The following ZIM2 variants were observed in gnomAD, a reference collection of about 807,000 sequenced individuals.
ZIM2 encodes the protein zinc finger protein 656.
Under a neutral mutation model 38.6 loss-of-function variants are expected in ZIM2, and 14 were observed. That is an observed-to-expected ratio of 0.36 (90% CI 0.24 to 0.57). The LOEUF is 0.57. Among genes scored for constraint, ZIM2 ranks in the 20% least tolerant of loss-of-function variants. ZIM2 has a pLI of 0.81. For missense variants in ZIM2, 680 were observed against 695.1 expected (o/e 0.98, Z 0.24); for synonymous variants, 247 against 245.8 (o/e 1.00, Z -0.04).
At position 56,836,084 on chromosome 19, in the gene ZIM2, C is replaced by T. The variant is rs773688998; in HGVS notation, c.-293G>A. The T allele has an allele frequency of 4.8e-5, 24 of 496,686 alleles. No homozygotes were observed. The highest frequency in any genetic ancestry group is 7.8e-5 in the African/African-American group (4 of 51,516). 30.8% of individuals were successfully genotyped at this position (496,686 alleles called of 1,614,324 possible). On this transcript the variant is annotated 5_prime_UTR_variant, in exon 2 of 13. Transcript: ENST00000629319. ...TCTCGCCAGTCGTCTCCAAGAAGGACGGAAGATCAAGAAGGCAAAGCTGTA... is the reference window on the plus strand; with the variant it reads ...TCTCGCCAGTCGTCTCCAAGAAGGATGGAAGATCAAGAAGGCAAAGCTGTA...
chr19:56,801,232 G>A (rs904763146), intron 9 of ZIM2, among the ~76,000 whole-genome samples: 3 of 152,106 alleles, frequency 2.0e-5, no homozygotes, highest in African/African-American at 2.4e-5. Flanking sequence ...CACCTCTCCC[G>A]GTCTCTTTAT....
At position 56,812,413 on chromosome 19, in the gene ZIM2, A is replaced by G; in HGVS notation, c.490+5333T>C. 5.1e-6 allele frequency: 5 copies of G among 980,624 alleles called. No individual in the cohort carries two copies. In the African/African-American group the frequency reaches 7.0e-5, roughly 14 times the overall value. The allele number at this position is 980,624 out of a possible 1,614,324, so 60.7% of individuals were successfully genotyped here. ...TCCATGTTAAGCTTGGGTTGACTGT[A>G]AAGAATTTTTTTTTTTTTAATGCAA... On this transcript the variant is annotated intron_variant, in intron 9 of 12. Coordinates refer to ENST00000629319, the MANE Select transcript of ZIM2 (RefSeq NM_001387356.1).
intron 9 of ZIM2, among the ~76,000 whole-genome samples, chr19:56,806,193 C>G (rs1346582739): frequency 1.3e-5 from 2 of 152,122 alleles, no homozygotes; most frequent in Non-Finnish European, 2.9e-5. Flanking sequence ...TAAATTATTT[C>G]CCAATATTTG....
intron 1 of ZIM2, among the ~76,000 whole-genome samples, chr19:56,840,200 C>T (rs1334918343): frequency 6.6e-6 from 1 of 152,214 alleles, no homozygotes; most frequent in Non-Finnish European, 1.5e-5. Flanking sequence ...CTGGACTTGC[C>T]GTGGCAGAGC....
rs760253824 is a variant in ZIM2 at position 56,823,692 on chromosome 19, C to T, written c.17-13G>A. 6.8e-6 allele frequency: 11 copies of T among 1,614,006 alleles called. No individual in the cohort carries two copies. The highest frequency in any genetic ancestry group is 4.0e-5 in the African/African-American group (3 of 74,918). On this transcript the variant is annotated splice_polypyrimidine_tract_variant and intron_variant, in intron 4 of 12. Transcript: ENST00000629319. ...CTGTTGTTGTCGTCTAAGAGGACAC[C>T]GGTCGCCAAGTTACTATCTCTGGCC...
At chr19:56,784,195 G>A (rs2046473479) in intron 10 of ZIM2, among the ~76,000 whole-genome samples, 1 of 152,174 alleles carries the variant, frequency 6.6e-6, no homozygotes, top group Admixed American at 6.5e-5. Flanking sequence ...TGTAGTGCAT[G>A]TGCACCTTTC....
At chr19:56,830,590 G>C (rs1250012053) in intron 2 of ZIM2, among the ~76,000 whole-genome samples, 1 of 152,176 alleles carries the variant, frequency 6.6e-6, no homozygotes, top group Admixed American at 6.5e-5. Flanking sequence ...GTCCTAGCTA[G>C]TGCAACTGAA....
intron 9 of ZIM2, chr19:56,816,810 G>A: frequency 1.2e-6 from 2 of 1,614,166 alleles, no homozygotes; most frequent in Non-Finnish European, 1.7e-6. Flanking sequence ...GGCTAGGCAT[G>A]AAGGCTTCCT....
At chr19:56,822,451 T>C (rs1325660349) in intron 6 of ZIM2, 8 of 329,874 alleles carry the variant, frequency 2.4e-5, no homozygotes, top group South Asian at 2.0e-4. Flanking sequence ...TTCATACTAG[T>C]TTTCAATTTT....
intron 9 of ZIM2, among the ~76,000 whole-genome samples, chr19:56,801,085 C>T (rs1428665224): frequency 6.6e-6 from 1 of 151,876 alleles, no homozygotes; most frequent in Non-Finnish European, 1.5e-5. Context: ...CAGGTGCCCA[C>T]CACCATGCCC....
At chr19:56,824,116 A>G (rs1240774393) in intron 4 of ZIM2, 146 bp downstream of exon 4, 34 of 1,354,774 alleles carry the variant, frequency 2.5e-5, no homozygotes, top group Non-Finnish European at 2.0e-6. Flanking sequence ...GATGCAGCTC[A>G]ATATCCCACA....
intron 10 of ZIM2, 24 bp from the exon 11 acceptor site, chr19:56,782,145 A>G: frequency 6.2e-7 from 1 of 1,609,894 alleles, no homozygotes; most frequent in Non-Finnish European, 8.5e-7. Flanking sequence ...AGGAGAAGGG[A>G]CGTGATTAGA....
intron 1 of ZIM2, among the ~76,000 whole-genome samples, chr19:56,838,615 T>C (rs1011884505): frequency 6.6e-6 from 1 of 152,290 alleles, no homozygotes; most frequent in African/African-American, 2.4e-5. Context: ...CTGCCACCGT[T>C]AGCCAAAAAC....
At chr19:56,800,072 G>T (rs902906434) in intron 9 of ZIM2, among the ~76,000 whole-genome samples, 9 of 152,066 alleles carry the variant, frequency 5.9e-5, no homozygotes, top group African/African-American at 2.2e-4. Context: ...GGAATTTTGG[G>T]ATTGACAATA....
At chr19:56,782,274 G>A in intron 10 of ZIM2, 153 bp from the exon 11 acceptor site, 1 of 1,017,512 alleles carries the variant, frequency 9.8e-7, no homozygotes, top group South Asian at 1.7e-5. Flanking sequence ...AGAGAAGTGG[G>A]AACATTACTG....
chr19:56,798,772 AAAC>A (rs1441158236), intron 9 of ZIM2: 6 of 152,312 alleles, frequency 3.9e-5, no homozygotes, highest in South Asian at 4.1e-4. Context: ...CAAGAAAAAA[AAAC>A]AACGCCATTA....
intron 9 of ZIM2, among the ~76,000 whole-genome samples, chr19:56,790,409 A>G (rs2046869599): frequency 1.3e-5 from 2 of 152,202 alleles, no homozygotes; most frequent in Non-Finnish European, 2.9e-5. Context: ...TTCATATGTT[A>G]TAAATTGTGT....
intron 1 of ZIM2, among the ~76,000 whole-genome samples, chr19:56,838,007 C>T (rs558290593): frequency 6.6e-6 from 1 of 152,304 alleles, no homozygotes; most frequent in African/African-American, 2.4e-5. Flanking sequence ...CAAAGCAGAC[C>T]CTCCCTCAGA....
chr19:56,788,732 C>T (rs972315220), intron 10 of ZIM2, among the ~76,000 whole-genome samples: 1 of 152,128 alleles, frequency 6.6e-6, no homozygotes, highest in African/African-American at 2.4e-5. Flanking sequence ...GGATAATATC[C>T]TGAAGAGTGT....
Sources: allele counts gnomAD v4.1 joint callset (sites outside exome capture counted in the v4.1 genomes callset), GRCh38; gene constraint gnomAD v4.1.1; transcripts MANE v1.5; gene names NCBI Gene and HGNC (gene_info 2026-07-23, HGNC 2026-07-21).